KLF12: variants seen among roughly 807,000 people sequenced by gnomAD.
KLF12 encodes KLF transcription factor 12, also known as Krueppel-like factor 12.
Under a neutral mutation model 37.8 loss-of-function variants are expected in KLF12, and 9 were observed. The observed-to-expected ratio is 0.24, with a 90% CI of 0.14 to 0.42. The LOEUF is 0.42. Among genes scored for constraint, KLF12 ranks in the 10% least tolerant of loss-of-function variants. The pLI is 1.00. For synonymous variants in KLF12, 208 were observed against 202.1 expected (o/e 1.03, Z -0.25); for missense variants, 411 against 516.0 (o/e 0.80, Z 1.97).
chr13:73,759,718 T>C (rs1469797450), intron 6 of KLF12, among the ~76,000 whole-genome samples: 1 of 152,180 alleles, frequency 6.6e-6, no homozygotes, highest in South Asian at 2.1e-4. Context: ...GTAACGTTTT[T>C]GTCTGGGGGC....
chr13:73,944,984 T>A (rs978257191), intron 2 of KLF12, among the ~76,000 whole-genome samples: 16 of 152,196 alleles, frequency 1.1e-4, no homozygotes, highest in Admixed American at 1.0e-3. Flanking sequence ...TAAATTTGAT[T>A]GAGATTTTAG....
intron 6 of KLF12, among the ~76,000 whole-genome samples, chr13:73,730,271 G>A (rs1876970755): frequency 6.6e-6 from 1 of 152,074 alleles, no homozygotes; most frequent in Non-Finnish European, 1.5e-5. Context: ...TCTCTTCTCT[G>A]ATTTCTTACT....
At chr13:74,207,617 G>C in the KLF12 span, among the ~76,000 whole-genome samples, 1 of 152,320 alleles carries the variant, frequency 6.6e-6, no homozygotes, top group African/African-American at 2.4e-5. Flanking sequence ...GGAGGTTGCA[G>C]TGAGCCAAGA....
At chr13:73,708,675 G>T (rs528207016) in intron 7 of KLF12, among the ~76,000 whole-genome samples, 1 of 152,176 alleles carries the variant, frequency 6.6e-6, no homozygotes, top group Middle Eastern at 3.4e-3. Context: ...AAAATAGTGA[G>T]AATTCTAAAA....
At chr13:73,969,257 G>A (rs1255461296) in intron 2 of KLF12, among the ~76,000 whole-genome samples, 1 of 152,142 alleles carries the variant, frequency 6.6e-6, no homozygotes, top group Non-Finnish European at 1.5e-5. Flanking sequence ...AGTTTATACT[G>A]CCTGAAGTGA....
At chr13:73,986,040 C>T (rs1593807784) in intron 2 of KLF12, among the ~76,000 whole-genome samples, 1 of 152,284 alleles carries the variant, frequency 6.6e-6, no homozygotes, top group South Asian at 2.1e-4. Flanking sequence ...TGCATGCTAT[C>T]ACCTCAAGAG....
intron 5 of KLF12, among the ~76,000 whole-genome samples, chr13:73,779,470 A>G (rs889735241): frequency 6.6e-6 from 1 of 152,184 alleles, no homozygotes; most frequent in Non-Finnish European, 1.5e-5. Context: ...TGCTGGGAGG[A>G]TGGAGTGCCT....
At chr13:73,846,480 G>C (rs1383081033) in intron 3 of KLF12, 107 bp from the exon 4 acceptor site, 2 of 1,007,430 alleles carry the variant, frequency 2.0e-6, no homozygotes, top group Non-Finnish European at 2.9e-6. Flanking sequence ...ATTGCTATGG[G>C]ACATTTATTC....
chr13:73,761,406 A>G (rs1421899592), intron 6 of KLF12, among the ~76,000 whole-genome samples: 1 of 152,188 alleles, frequency 6.6e-6, no homozygotes, highest in Non-Finnish European at 1.5e-5. Context: ...AGGAAGGGCA[A>G]GGCAATTCTT....
chr13:74,169,068 T>C, the KLF12 span, among the ~76,000 whole-genome samples: 3 of 152,194 alleles, frequency 2.0e-5, no homozygotes, highest in African/African-American at 7.2e-5. Flanking sequence ...GTATAGTTTA[T>C]TCTCAGGAAA....
At chr13:74,116,991 G>A (rs991694365) in intron 1 of KLF12, among the ~76,000 whole-genome samples, 11 of 151,948 alleles carry the variant, frequency 7.2e-5, no homozygotes, top group Admixed American at 5.2e-4. Context: ...TACTCTTATC[G>A]CAACATAAGT....
intron 1 of KLF12, among the ~76,000 whole-genome samples, chr13:74,102,062 A>G (rs1176611454): frequency 6.6e-6 from 1 of 151,794 alleles, no homozygotes; most frequent in Non-Finnish European, 1.5e-5. Context: ...TACTAAAAAT[A>G]CAAACAGTAG....
chr13:73,987,884 G>C (rs1030271167), intron 2 of KLF12, among the ~76,000 whole-genome samples: 2 of 152,016 alleles, frequency 1.3e-5, no homozygotes, highest in Non-Finnish European at 2.9e-5. Context: ...GGAGGGTAGA[G>C]AGGGAAAGAG....
Position 74,125,166 on chromosome 13 carries a change from TAC to T in KLF12, c.-32+8571_-32+8572del, listed in dbSNP as rs374663142. Among the ~76,000 whole-genome samples the T allele has an allele frequency of 5.0e-3, 693 of 138,822 alleles. 6 individuals are homozygous for T. The highest frequency in any genetic ancestry group is 0.016 in the African/African-American group (616 of 37,996). The allele number at this position is 138,822 out of a possible 152,430, so 91.1% of individuals were successfully genotyped here. On this transcript the variant is annotated intron_variant, in intron 1 of 7. Transcript: ENST00000377669. ...TTTCAAAAAAAAAAATATATATATATACACACACACACACACACACACAGTTT... is the reference window on the plus strand; with the variant it reads ...TTTCAAAAAAAAAAATATATATATATACACACACACACACACACACAGTTT...
the KLF12 span, among the ~76,000 whole-genome samples, chr13:74,167,900 A>C: frequency 1.3e-5 from 2 of 152,246 alleles, no homozygotes; most frequent in Admixed American, 6.5e-5. Context: ...GCAAGACACT[A>C]AAGTTATCAT....
intron 2 of KLF12, among the ~76,000 whole-genome samples, chr13:73,962,706 T>C (rs925322462): frequency 6.6e-6 from 1 of 152,166 alleles, no homozygotes; most frequent in South Asian, 2.1e-4. Flanking sequence ...CTTTTTAAAA[T>C]TCAAAAACAA....
At chr13:73,748,007 T>C (rs1459111472) in intron 6 of KLF12, among the ~76,000 whole-genome samples, 2 of 152,226 alleles carry the variant, frequency 1.3e-5, no homozygotes, top group Non-Finnish European at 2.9e-5. Flanking sequence ...CAAAGTACAA[T>C]GTCCATTTCT....
the KLF12 span, among the ~76,000 whole-genome samples, chr13:74,188,705 CAA>C: frequency 6.6e-6 from 1 of 152,106 alleles, no homozygotes; most frequent in African/African-American, 2.4e-5. Flanking sequence ...AGCTTAAAAA[CAA>C]AGAGTGGGCC....
the KLF12 span, among the ~76,000 whole-genome samples, chr13:74,211,979 C>CT: frequency 1.3e-5 from 2 of 151,872 alleles, no homozygotes; most frequent in South Asian, 2.1e-4. Flanking sequence ...TTATGCATTG[C>CT]TTTTTTTTAC....
Sources: gnomAD v4.1 joint callset for allele counts (sites outside exome capture counted in the v4.1 genomes callset) on GRCh38, gnomAD v4.1.1 for gene constraint, MANE v1.5 for transcripts, NCBI Gene and HGNC (gene_info 2026-07-23, HGNC 2026-07-21) for gene names.